Variants in PDE4B observed in about 807,000 individuals in gnomAD.
PDE4B encodes 3',5'-cyclic-AMP phosphodiesterase 4B.
A neutral mutation model predicts 82.2 loss-of-function variants in PDE4B; 20 were observed. The observed-to-expected ratio is 0.24, with a 90% confidence interval of 0.17 to 0.35. The LOEUF (loss-of-function observed/expected upper bound fraction) is 0.35, where lower values mean the gene tolerates loss of function less well. Among genes scored for constraint, PDE4B ranks in the 10% least tolerant of loss-of-function variants. PDE4B has a pLI of 1.00. For synonymous variants in PDE4B, 320 were observed against 318.9 expected, an observed-to-expected ratio of 1.00 and a Z score of -0.04; for missense variants, 655 against 907.2, an observed-to-expected ratio of 0.72 and a Z score of 3.57.
chr1:66,114,116 C>T (rs767221460), intron 3 of PDE4B, among the ~76,000 whole-genome samples: 25 of 152,188 alleles, frequency 1.6e-4, no homozygotes, highest in Non-Finnish European at 3.1e-4. Context: ...AAAAGAGGCC[C>T]GAGAGAGTTG....
At chr1:65,899,086 C>T (rs957274904) in intron 1 of PDE4B, among the ~76,000 whole-genome samples, 1 of 151,782 alleles carries the variant, frequency 6.6e-6, no homozygotes, top group Non-Finnish European at 1.5e-5. Context: ...GAATAATATC[C>T]AGAATCTACA....
chr1:65,901,807 TTTGAG>T (rs1404986162), intron 1 of PDE4B, among the ~76,000 whole-genome samples: 6 of 152,012 alleles, frequency 3.9e-5, no homozygotes, highest in African/African-American at 7.2e-5. Context: ...TCTGCTCTGA[TTTGAG>T]TTATGTTTTT....
chr1:65,843,427 T>C (rs953554999), intron 1 of PDE4B, among the ~76,000 whole-genome samples: 1 of 152,130 alleles, frequency 6.6e-6, no homozygotes, highest in Non-Finnish European at 1.5e-5. Context: ...AGAGAGTGCA[T>C]GAAAATTTCC....
At chr1:66,253,635 A>G (rs1453569301) in intron 4 of PDE4B, among the ~76,000 whole-genome samples, 1 of 152,224 alleles carries the variant, frequency 6.6e-6, no homozygotes, top group South Asian at 2.1e-4. Context: ...TATAATTTCT[A>G]TGCCATTTGA....
intron 3 of PDE4B, chr1:66,048,704 C>T (rs1319869142): frequency 6.6e-6 from 1 of 151,900 alleles, no homozygotes; most frequent in Admixed American, 6.6e-5. Context: ...GGAATAGAGT[C>T]TTCTGATTCA....
intron 3 of PDE4B, among the ~76,000 whole-genome samples, chr1:66,186,175 T>C (rs1230654253): frequency 1.3e-5 from 2 of 152,096 alleles, no homozygotes; most frequent in Admixed American, 1.3e-4. Flanking sequence ...TGAGGGCTCT[T>C]TCTGTTCCAT....
intron 1 of PDE4B, among the ~76,000 whole-genome samples, chr1:65,817,063 T>G (rs6687612): frequency 0.98 from 149,436 of 152,230 alleles, 73,419 homozygotes; most frequent in Middle Eastern, 1. Context: ...TGGGCCCAAT[T>G]AAAAGGGTGT....
chr1:66,059,892 G>A (rs1655494947), intron 3 of PDE4B, among the ~76,000 whole-genome samples: 1 of 152,058 alleles, frequency 6.6e-6, no homozygotes, highest in African/African-American at 2.4e-5. Context: ...CTCTTACAAT[G>A]GAACCCCTGA....
intron 3 of PDE4B, among the ~76,000 whole-genome samples, chr1:66,156,042 G>C (rs1182925489): frequency 2.0e-5 from 3 of 152,158 alleles, no homozygotes; most frequent in African/African-American, 7.2e-5. Context: ...TGAGAGACAG[G>C]TTGATTCAGT....
chr1:66,165,924 C>A (rs1646720234), intron 3 of PDE4B, among the ~76,000 whole-genome samples: 2 of 149,354 alleles, frequency 1.3e-5, no homozygotes. Flanking sequence ...TGCAAGGGAC[C>A]TATAAAAAAC....
chr1:66,123,586 T>TC (rs1368851356), intron 3 of PDE4B, among the ~76,000 whole-genome samples: 2 of 151,914 alleles, frequency 1.3e-5, no homozygotes, highest in Non-Finnish European at 2.9e-5. Flanking sequence ...TATTTGTCTT[T>TC]TTTTTTTAAA....
At chr1:66,115,786 G>T (rs2485385) in intron 3 of PDE4B, among the ~76,000 whole-genome samples, 151,934 of 152,362 alleles carry the variant, frequency 1, 75,755 homozygotes, top group Middle Eastern at 1. Flanking sequence ...TGATAAAATG[G>T]CCTTGTTTTG....
At position 65,817,493 on chromosome 1, in the gene PDE4B, A is replaced by G. The variant is rs185837579; in HGVS notation, c.-71+24245A>G. Among the ~76,000 whole-genome samples, 64 of 152,308 alleles carry G rather than the reference A, an allele frequency of 4.2e-4. 1 individual carries two copies. In the East Asian group the frequency reaches 0.012, roughly 28 times the overall value. ...ATGGGGTCCCAACTCACTGCTGTGT[A>G]CACATGAAGTGGTTTTTATTTATTT... On this transcript the variant is annotated intron_variant, in intron 1 of 16. Coordinates refer to ENST00000341517, the MANE Select transcript of PDE4B (RefSeq NM_002600.4).
At chr1:66,218,747 C>T (rs1330999081) in intron 3 of PDE4B, among the ~76,000 whole-genome samples, 1 of 152,080 alleles carries the variant, frequency 6.6e-6, no homozygotes, top group Non-Finnish European at 1.5e-5. Context: ...ACTACAGTTC[C>T]TGAGAGCAGA....
At chr1:65,808,513 G>C (rs1161509794) in intron 1 of PDE4B, among the ~76,000 whole-genome samples, 1 of 152,216 alleles carries the variant, frequency 6.6e-6, no homozygotes, top group East Asian at 1.9e-4. Flanking sequence ...AAGGCATAGT[G>C]AGGGAATAGT....
At chr1:66,184,502 G>T (rs554362986) in intron 3 of PDE4B, among the ~76,000 whole-genome samples, 20 of 152,262 alleles carry the variant, frequency 1.3e-4, no homozygotes, top group African/African-American at 4.8e-4. Flanking sequence ...AGAACCAACA[G>T]CACTTAGTAA....
intron 3 of PDE4B, among the ~76,000 whole-genome samples, chr1:66,202,850 T>C (rs532946865): frequency 1.1e-4 from 16 of 152,084 alleles, no homozygotes; most frequent in East Asian, 1.9e-4. Context: ...CATTTACATT[T>C]AAAGTTAATA....
intron 3 of PDE4B, among the ~76,000 whole-genome samples, chr1:66,058,660 G>A (rs997659622): frequency 7.9e-5 from 12 of 152,366 alleles, no homozygotes; most frequent in African/African-American, 2.9e-4. Flanking sequence ...ACCCTCTGAA[G>A]CCATGGCCTG....
At chr1:66,073,181 C>G (rs897220490) in intron 3 of PDE4B, among the ~76,000 whole-genome samples, 3 of 152,044 alleles carry the variant, frequency 2.0e-5, no homozygotes, top group African/African-American at 7.2e-5. Flanking sequence ...TTGGTGCGCC[C>G]AACAGATTGA....
Sources: gnomAD v4.1 joint callset for allele counts (sites outside exome capture counted in the v4.1 genomes callset) on GRCh38, gnomAD v4.1.1 for gene constraint, MANE v1.5 for transcripts, NCBI Gene and HGNC (gene_info 2026-07-23, HGNC 2026-07-21) for gene names.